Variants in SHPRH observed in about 807,000 individuals in gnomAD.
SHPRH encodes SNF2 histone linker PHD RING helicase.
Under a neutral mutation model 202.5 loss-of-function variants are expected in SHPRH, and 106 were observed. That is an observed-to-expected ratio of 0.52 (90% CI 0.45 to 0.62). The LOEUF is 0.62. Among genes scored for constraint, SHPRH ranks in the 20% least tolerant of loss-of-function variants. SHPRH has a pLI of 0.00. For synonymous variants in SHPRH, 729 were observed against 686.0 expected (o/e 1.06, Z -0.98); for missense variants, 1,710 against 2,020.0 (o/e 0.85, Z 2.94).
In SHPRH at chr6:145,940,707, G is replaced by T; in HGVS notation, c.2569+16C>A. Reference sequence around the variant, plus strand: ...CTTTTCAAATGCATGCAATATGTGAGGAAACCATACATTACCCTCTAATCC... The same window carrying T: ...CTTTTCAAATGCATGCAATATGTGATGAAACCATACATTACCCTCTAATCC... On this transcript the variant is annotated intron_variant, in intron 11 of 29. Transcript: ENST00000275233. 3 of 1,612,256 alleles carry T rather than the reference G, an allele frequency of 1.9e-6. No individual in the cohort carries two copies. The highest frequency in any genetic ancestry group is 2.5e-6 in the Non-Finnish European group (3 of 1,178,814).
downstream of SHPRH, among the ~76,000 whole-genome samples, chr6:145,861,256 A>G (rs1269384617): frequency 6.6e-6 from 1 of 152,140 alleles, no homozygotes; most frequent in African/African-American, 2.4e-5. Context: ...AAACAACAAC[A>G]AATAATTTGA....
At chr6:145,954,439 C>A (rs1788288340) in intron 2 of SHPRH, among the ~76,000 whole-genome samples, 1 of 151,970 alleles carries the variant, frequency 6.6e-6, no homozygotes, top group Admixed American at 6.6e-5. Context: ...ATGACTGCTG[C>A]AGTAAGAGGA....
intron 14 of SHPRH, among the ~76,000 whole-genome samples, chr6:145,928,715 T>C (rs560999084): frequency 6.6e-6 from 1 of 152,106 alleles, no homozygotes; most frequent in East Asian, 1.9e-4. Flanking sequence ...ACACCTAATT[T>C]AAAATAAATT....
intron 3 of SHPRH, among the ~76,000 whole-genome samples, chr6:145,951,527 G>A (rs1787977660): frequency 6.6e-6 from 1 of 151,802 alleles, no homozygotes; most frequent in Non-Finnish European, 1.5e-5. Context: ...TAGATACCAG[G>A]CTTTAAAATG....
chr6:145,933,250 C>G, intron 13 of SHPRH, 72 bp from the exon 14 acceptor site: 11 of 1,606,844 alleles, frequency 6.8e-6, no homozygotes, highest in Non-Finnish European at 7.7e-6. Flanking sequence ...AGTGTTATAT[C>G]TCACATGATC....
At position 145,886,566 on chromosome 6, in the gene SHPRH, A is replaced by C; in HGVS notation, c.*125T>G. Reference sequence around the variant, plus strand: ...AAGCCACTGTATAACCAGAACAATAAACAAATTCATTCAACTAGGAACAGT... The same window carrying C: ...AAGCCACTGTATAACCAGAACAATACACAAATTCATTCAACTAGGAACAGT... On this transcript the variant is annotated 3_prime_UTR_variant, in exon 30 of 30. Transcript: ENST00000275233. 2 of 1,493,918 alleles carry C rather than the reference A, an allele frequency of 1.3e-6. No individual in the cohort carries two copies. The highest frequency in any genetic ancestry group is 1.8e-6 in the Non-Finnish European group (2 of 1,115,870). 92.5% of individuals were successfully genotyped at this position (1,493,918 alleles called of 1,614,324 possible).
chr6:145,894,296 T>A (rs543546204), intron 26 of SHPRH, 60 bp from the exon 27 acceptor site: 1 of 1,267,676 alleles, frequency 7.9e-7, no homozygotes, highest in African/African-American at 1.5e-5. Context: ...TCTAAGGGTA[T>A]CTGAAAAGGA....
intron 25 of SHPRH, among the ~76,000 whole-genome samples, chr6:145,895,696 TGG>T (rs2128718500): frequency 6.6e-6 from 1 of 152,110 alleles, no homozygotes; most frequent in Non-Finnish European, 1.5e-5. Flanking sequence ...CTCTTGGAGA[TGG>T]TATGACAGAG....
chr6:145,863,934 A>G (rs1171863998), downstream of SHPRH, among the ~76,000 whole-genome samples: 2 of 152,238 alleles, frequency 1.3e-5, no homozygotes, highest in Non-Finnish European at 2.9e-5. Flanking sequence ...AATTGTTGCT[A>G]AATAGATTTT....
intron 1 of SHPRH, among the ~76,000 whole-genome samples, chr6:145,960,228 T>C (rs1415495088): frequency 6.6e-6 from 1 of 152,014 alleles, no homozygotes; most frequent in Non-Finnish European, 1.5e-5. Context: ...TGAGGTGTAT[T>C]ACTGCAAATC....
Position 145,893,336 on chromosome 6 carries a change from G to A in SHPRH, c.4753C>T (p.His1585Tyr). Residue 1585 changes from histidine (H) to tyrosine (Y), a missense_variant, in exon 28 of 30, where the codon CAC becomes TAC. Around this residue, in one of 8 missense-constraint regions of SHPRH, gnomAD observed 306 missense variants for 479.5 expected, o/e 0.64. Coordinates refer to ENST00000275233, the MANE Select transcript of SHPRH (RefSeq NM_001042683.3). ...PQINILLLPLHTGSNGLTIIE... is the reference protein window; with the variant it reads ...PQINILLLPLYTGSNGLTIIE... ...ATAGTTAATCCATTAGAACCTGTGT[G>A]CAGGGGCAGCAGCAAAATATTGATT... is the stretch of plus-strand genomic sequence containing the variant. The A allele has an allele frequency of 6.2e-7, 1 of 1,600,918 alleles. No individual in the cohort carries two copies. Among genetic ancestry groups the A allele is most frequent in the Non-Finnish European group, 8.5e-7 (1 of 1,175,136 alleles).
intron 29 of SHPRH, 126 bp from the exon 30 acceptor site, chr6:145,886,913 C>T: frequency 1.1e-6 from 1 of 917,052 alleles, no homozygotes; most frequent in Middle Eastern, 2.3e-4. Flanking sequence ...TAAGAAACTC[C>T]CAGAGGAAAG....
In SHPRH at chr6:145,934,951, A is replaced by G; in HGVS notation, c.2946T>C (p.Cys982=). The change falls in exon 13 of 30, where the codon TGT becomes TGC. Residue 982 remains cysteine, a synonymous_variant. Coordinates refer to ENST00000275233, the MANE Select transcript of SHPRH (RefSeq NM_001042683.3). The part of the protein sequence containing the change: ...YPLLRLRQAC[C]HPQAVRGEFL... Reference sequence around the variant, plus strand: ...ACTCTCCACGAACAGCCTGTGGGTGACAGCAGGCCTGTCTGAGCCTCAGCA... The same window carrying G: ...ACTCTCCACGAACAGCCTGTGGGTGGCAGCAGGCCTGTCTGAGCCTCAGCA... 6.2e-7 allele frequency: 1 copy of G among 1,612,102 alleles called. No homozygotes were observed. The highest frequency in any genetic ancestry group is 8.5e-7 in the Non-Finnish European group (1 of 1,178,406).
rs1459281895 is a variant in SHPRH at position 145,919,243 on chromosome 6, CACTT to C, written c.4152+101_4152+104del. On this transcript the variant is annotated intron_variant, in intron 22 of 29. Transcript: ENST00000275233. Reference sequence around the variant, plus strand: ...AAATTAAAAATGGAGATTAAATACACACTTACAGTAGAGCTCAGTGCCCTGATTC... The same window carrying C: ...AAATTAAAAATGGAGATTAAATACACACAGTAGAGCTCAGTGCCCTGATTC... 2.8e-6 allele frequency: 4 copies of C among 1,432,872 alleles called. No homozygotes were observed. The Admixed American group carries it at 8.7e-5, about 31-fold the overall frequency. The allele number at this position is 1,432,872 out of a possible 1,614,324, so 88.8% of individuals were successfully genotyped here. A position where few individuals can be genotyped will look rare whatever the true frequency, so the allele number is the denominator to read the frequency against.
chr6:145,932,085 T>C (rs940877745), intron 14 of SHPRH, among the ~76,000 whole-genome samples: 1 of 152,142 alleles, frequency 6.6e-6, no homozygotes, highest in African/African-American at 2.4e-5. Context: ...ATTTATTAAG[T>C]GAATTTTCTA....
intron 1 of SHPRH, among the ~76,000 whole-genome samples, chr6:145,956,046 T>G (rs1788471569): frequency 2.6e-5 from 4 of 151,380 alleles, no homozygotes; most frequent in Admixed American, 2.0e-4. Context: ...AGATTAGAAA[T>G]GGCAAAGAAA....
chr6:145,888,026 TCAG>T lies in SHPRH; in HGVS notation c.4946_4948del (p.Ala1649del), dbSNP rs777348111. 1 of 1,611,194 alleles carries T rather than the reference TCAG, an allele frequency of 6.2e-7. No individual in the cohort carries two copies. Among genetic ancestry groups the T allele is most frequent in the South Asian group, 1.1e-5 (1 of 91,010 alleles). ...GTGGTAAATTATTACCTACCTTCTC[TCAG>T]CAGTTTTCAGCATTGCCTGCATTCT... On this transcript the variant is annotated inframe_deletion, in exon 29 of 30. Coordinates refer to ENST00000275233, the MANE Select transcript of SHPRH (RefSeq NM_001042683.3).
At position 145,952,338 on chromosome 6, in the gene SHPRH, G is replaced by A. The variant is rs575243938; in HGVS notation, c.763+11C>T. ...AGTAATAGCAATTTTTAAGTTTACTGTAAATATTACCTGGAATAATAGAAT... is the reference window on the plus strand; with the variant it reads ...AGTAATAGCAATTTTTAAGTTTACTATAAATATTACCTGGAATAATAGAAT... On this transcript the variant is annotated intron_variant, in intron 3 of 29. Coordinates refer to ENST00000275233, the MANE Select transcript of SHPRH (RefSeq NM_001042683.3). The A allele has an allele frequency of 6.3e-7, 1 of 1,582,702 alleles. No individual in the cohort carries two copies. The highest frequency in any genetic ancestry group is 1.2e-5 in the South Asian group (1 of 84,454).
At chr6:145,937,577 G>A (rs1786249733) in intron 11 of SHPRH, among the ~76,000 whole-genome samples, 1 of 151,886 alleles carries the variant, frequency 6.6e-6, no homozygotes, top group South Asian at 2.1e-4. Context: ...ACCACAAAAT[G>A]ACCCCCAACC....
Sources: allele counts gnomAD v4.1 joint callset (sites outside exome capture counted in the v4.1 genomes callset), GRCh38; gene constraint gnomAD v4.1.1; regional missense constraint gnomAD v4.1.1; transcripts MANE v1.5; gene names NCBI Gene and HGNC (gene_info 2026-07-23, HGNC 2026-07-21).